UBE3C: variants seen among roughly 807,000 people sequenced by gnomAD.
UBE3C encodes ubiquitin-protein ligase E3C.
A neutral mutation model predicts 129.4 loss-of-function variants in UBE3C; 42 were observed. That is an observed-to-expected ratio of 0.32 (90% confidence interval 0.25 to 0.42). The LOEUF (loss-of-function observed/expected upper bound fraction) is 0.42, where lower values mean the gene tolerates loss of function less well. UBE3C is among the 10% of genes least tolerant of loss of function. The probability of loss-of-function intolerance (pLI) is 1.00; values close to 1 mark genes in which losing one functional copy is unlikely to be tolerated. For missense variants in UBE3C, 1,049 were observed against 1,319.1 expected (o/e 0.80, Z 3.17); for synonymous variants, 510 against 492.4 (o/e 1.04, Z -0.47).
At chr7:157,145,315 C>T (rs910798664) in intron 1 of UBE3C, among the ~76,000 whole-genome samples, 2 of 151,288 alleles carry the variant, frequency 1.3e-5, no homozygotes, top group Admixed American at 6.6e-5. Flanking sequence ...GTCAAGAGTT[C>T]GAGACCAGCC....
intron 10 of UBE3C, chr7:157,197,910 A>G (rs1795118843): frequency 1.2e-6 from 2 of 1,604,074 alleles, no homozygotes; most frequent in Non-Finnish European, 1.7e-6. Context: ...TGTACTGACT[A>G]TTTCAGGTGT....
chr7:157,198,433 A>C (rs753989766), intron 10 of UBE3C: 4 of 577,000 alleles, frequency 6.9e-6, no homozygotes, highest in African/African-American at 1.9e-5. Context: ...AAGTTCTGCA[A>C]ATCCTGTGCG....
intron 10 of UBE3C, chr7:157,189,223 C>G (rs904928617): frequency 1.1e-5 from 4 of 353,140 alleles, no homozygotes; most frequent in African/African-American, 8.4e-5. Flanking sequence ...ATTTTTATAT[C>G]ACTTTTAAGT....
chr7:157,188,764 C>G (rs1335119986), intron 10 of UBE3C, among the ~76,000 whole-genome samples: 1 of 145,600 alleles, frequency 6.9e-6, no homozygotes, highest in African/African-American at 2.5e-5. Flanking sequence ...AGCAAGTAGG[C>G]TTACTCTAAC....
At chr7:157,153,818 A>T (rs1254189081) in intron 1 of UBE3C, among the ~76,000 whole-genome samples, 1 of 123,830 alleles carries the variant, frequency 8.1e-6, no homozygotes, top group Admixed American at 7.9e-5. Context: ...CTATACTAAA[A>T]ATACAAAACA....
chr7:157,211,232 A>T (rs1265845549), intron 13 of UBE3C, among the ~76,000 whole-genome samples: 3 of 147,240 alleles, frequency 2.0e-5, no homozygotes, highest in Non-Finnish European at 3.0e-5. Flanking sequence ...CTTAGTGGTT[A>T]AGTTGTATTT....
chr7:157,166,540 A>C (rs1198443236), intron 2 of UBE3C, among the ~76,000 whole-genome samples: 1 of 152,084 alleles, frequency 6.6e-6, no homozygotes, highest in East Asian at 1.9e-4. Flanking sequence ...TGGGAGTTCG[A>C]GACCAGCCTG....
chr7:157,260,533 A>T (rs1796875476), intron 22 of UBE3C, among the ~76,000 whole-genome samples: 1 of 152,224 alleles, frequency 6.6e-6, no homozygotes, highest in Non-Finnish European at 1.5e-5. Context: ...AAAGAGCAGG[A>T]GGACTGCAGG....
At chr7:157,182,419 T>C (rs985364242) in intron 8 of UBE3C, 91 bp downstream of exon 8, 11 of 1,326,904 alleles carry the variant, frequency 8.3e-6, no homozygotes, top group Admixed American at 2.2e-5. Context: ...GCAGGTGTTA[T>C]GGAAAGGTGG....
intron 11 of UBE3C, among the ~76,000 whole-genome samples, chr7:157,205,491 C>T (rs1586687210): frequency 6.6e-6 from 1 of 152,130 alleles, no homozygotes; most frequent in Admixed American, 6.5e-5. Context: ...CTCATCAAGA[C>T]GCAGGAGTGG....
At chr7:157,218,044 G>A (rs1051021613) in intron 14 of UBE3C, among the ~76,000 whole-genome samples, 5 of 151,620 alleles carry the variant, frequency 3.3e-5, no homozygotes, top group African/African-American at 1.2e-4. Flanking sequence ...AAAAATATAA[G>A]TGATGTTAAC....
At chr7:157,217,321 G>T in intron 14 of UBE3C, 1 of 162,538 alleles carries the variant, frequency 6.2e-6, no homozygotes, top group Non-Finnish European at 1.3e-5. Flanking sequence ...TAATTTTTGT[G>T]ATTTTTTTTT....
At position 157,139,308 on chromosome 7, in the gene UBE3C, C is replaced by T. The variant is rs761778094; in HGVS notation, c.36C>T (p.Pro12=). The T allele has an allele frequency of 3.0e-5, 47 of 1,584,054 alleles. No individual in the cohort carries two copies. The highest frequency in any genetic ancestry group is 3.9e-5 in the Non-Finnish European group (46 of 1,172,520). The change falls in exon 1 of 23, where the codon CCC becomes CCT. Residue 12 remains proline, a synonymous_variant. Transcript: ENST00000348165. ...FSFEGDFKTR[P]KVSLGGASRK... ...TCGAAGGCGACTTCAAGACGCGGCC[C>T]AAGGTGTCCCTTGGCGGCGCGAGCA...
intron 18 of UBE3C, among the ~76,000 whole-genome samples, chr7:157,244,713 A>G (rs2116671602): frequency 6.6e-6 from 1 of 152,358 alleles, no homozygotes; most frequent in Admixed American, 6.5e-5. Flanking sequence ...TTGCGTCGCG[A>G]CTGCACTCAC....
intron 21 of UBE3C, among the ~76,000 whole-genome samples, chr7:157,256,426 A>T (rs1295491949): frequency 6.7e-6 from 1 of 149,850 alleles, no homozygotes; most frequent in African/African-American, 2.5e-5. Context: ...TACAGGTGTG[A>T]GCCACTGTGC....
At chr7:157,233,131 G>A (rs974309604) in intron 18 of UBE3C, among the ~76,000 whole-genome samples, 1 of 151,694 alleles carries the variant, frequency 6.6e-6, no homozygotes, top group Admixed American at 6.6e-5. Context: ...TTTCATATAA[G>A]TGGAATCATT....
At chr7:157,210,894 ATCTT>A (rs1451512131) in intron 13 of UBE3C, among the ~76,000 whole-genome samples, 3 of 152,236 alleles carry the variant, frequency 2.0e-5, no homozygotes, top group South Asian at 4.1e-4. Context: ...GGATAGAGTC[ATCTT>A]TCTTTGTCAC....
At chr7:157,175,086 C>A in intron 5 of UBE3C, 52 bp downstream of exon 5, 2 of 1,201,452 alleles carry the variant, frequency 1.7e-6, no homozygotes, top group Non-Finnish European at 2.2e-6. Flanking sequence ...ATCACCTTGT[C>A]TAGGGGAACA....
intron 10 of UBE3C, among the ~76,000 whole-genome samples, chr7:157,196,387 T>C (rs1349180432): frequency 6.6e-6 from 1 of 152,184 alleles, no homozygotes; most frequent in African/African-American, 2.4e-5. Context: ...TGAAGTGGTG[T>C]CTGGGAAGAA....
Sources: allele counts gnomAD v4.1 joint callset (sites outside exome capture counted in the v4.1 genomes callset), GRCh38; gene constraint gnomAD v4.1.1; transcripts MANE v1.5; gene names NCBI Gene and HGNC (gene_info 2026-07-23, HGNC 2026-07-21).